Variants in KHDRBS2 observed in about 807,000 individuals in gnomAD.
KHDRBS2 encodes the protein KH domain-containing, RNA-binding, signal transduction-associated protein 2.
A neutral mutation model predicts 44.3 loss-of-function variants in KHDRBS2; 26 were observed. That is an observed-to-expected ratio of 0.59 (90% confidence interval 0.43 to 0.81). KHDRBS2 has a LOEUF of 0.81. KHDRBS2 is among the 40% of genes least tolerant of loss of function. KHDRBS2 has a pLI of 0.00. For synonymous variants in KHDRBS2, 194 were observed against 151.1 expected (o/e 1.28, Z -2.08); for missense variants, 476 against 433.1 (o/e 1.10, Z -0.88).
At chr6:61,639,052 T>C in the KHDRBS2 span, among the ~76,000 whole-genome samples, 3,724 of 152,252 alleles carry the variant, frequency 0.024, 70 homozygotes, top group Middle Eastern at 0.088. Flanking sequence ...AATTATCTTG[T>C]GAATTTGCTG....
chr6:61,717,238 AATACAATGTATAC>A (rs1438932102), intron 7 of KHDRBS2, among the ~76,000 whole-genome samples: 4 of 152,066 alleles, frequency 2.6e-5, no homozygotes, highest in Non-Finnish European at 5.9e-5. Context: ...AAAATCGACA[AATACAATGTATAC>A]ATACTGATAA....
intron 2 of KHDRBS2, among the ~76,000 whole-genome samples, chr6:62,139,278 C>A (rs1330830977): frequency 6.6e-6 from 1 of 151,982 alleles, no homozygotes; most frequent in East Asian, 1.9e-4. Flanking sequence ...ATGGGCCAGG[C>A]GCAGTGGCTC....
At chr6:62,008,734 C>T (rs1779738818) in intron 3 of KHDRBS2, among the ~76,000 whole-genome samples, 1 of 152,146 alleles carries the variant, frequency 6.6e-6, no homozygotes, top group Non-Finnish European at 1.5e-5. Flanking sequence ...GAATGGGCCT[C>T]ACAAGATCTG....
At chr6:61,805,016 T>A (rs1786914546) in intron 6 of KHDRBS2, among the ~76,000 whole-genome samples, 1 of 152,198 alleles carries the variant, frequency 6.6e-6, no homozygotes, top group Admixed American at 6.5e-5. Flanking sequence ...TTCTATTGCA[T>A]CATCAGGCTG....
intron 6 of KHDRBS2, among the ~76,000 whole-genome samples, chr6:61,799,630 C>T (rs895825976): frequency 6.6e-6 from 1 of 151,808 alleles, no homozygotes; most frequent in African/African-American, 2.4e-5. Flanking sequence ...CAAAACCTGC[C>T]ATCAAAACTA....
chr6:61,720,009 A>G (rs1772129154), intron 7 of KHDRBS2, among the ~76,000 whole-genome samples: 2 of 151,972 alleles, frequency 1.3e-5, no homozygotes, highest in South Asian at 4.2e-4. Context: ...ATTCCCACCT[A>G]TGAGTGAGAA....
At chr6:61,778,670 G>T (rs904488071) in intron 6 of KHDRBS2, among the ~76,000 whole-genome samples, 4 of 152,132 alleles carry the variant, frequency 2.6e-5, no homozygotes, top group African/African-American at 7.2e-5. Context: ...CCACCGTGCC[G>T]CAAGTTGCTT....
intron 2 of KHDRBS2, among the ~76,000 whole-genome samples, chr6:62,064,640 T>C (rs938788596): frequency 6.6e-6 from 1 of 151,484 alleles, no homozygotes; most frequent in Non-Finnish European, 1.5e-5. Context: ...TCAAGATGGA[T>C]TAAAGATTTG....
intron 2 of KHDRBS2, among the ~76,000 whole-genome samples, chr6:62,066,759 G>C (rs1384688215): frequency 6.6e-6 from 1 of 151,488 alleles, no homozygotes; most frequent in Non-Finnish European, 1.5e-5. Flanking sequence ...AATAATCTTT[G>C]GCTCTATGTA....
In KHDRBS2 at chr6:61,724,055, C is replaced by T. The variant is rs1437475127; in HGVS notation, c.893+8627G>A. Among the ~76,000 whole-genome samples, 5 of 152,038 alleles carry T rather than the reference C, an allele frequency of 3.3e-5. No homozygotes were observed. In the East Asian group the frequency reaches 9.7e-4, roughly 29 times the overall value. On this transcript the variant is annotated intron_variant, in intron 7 of 8. Transcript: ENST00000281156. The stretch of plus-strand genomic sequence containing the variant: ...AAGTGAAAGAAAAGTAATTTAAGGG[C>T]AAGCCAGAGAGAAAGACCAGGTCAC...
At chr6:61,834,507 G>T (rs12530066) in intron 6 of KHDRBS2, among the ~76,000 whole-genome samples, 49,885 of 151,696 alleles carry the variant, frequency 0.33, 8,543 homozygotes, top group African/African-American at 0.42. Context: ...TTGAAGAAAA[G>T]AATACTCTCA....
intron 2 of KHDRBS2, among the ~76,000 whole-genome samples, chr6:62,127,904 C>G (rs1224373388): frequency 3.9e-5 from 6 of 152,078 alleles, no homozygotes. Context: ...ATGCAATTAT[C>G]AATTAGTTAA....
At chr6:61,739,271 A>G (rs1775821298) in intron 6 of KHDRBS2, among the ~76,000 whole-genome samples, 1 of 151,896 alleles carries the variant, frequency 6.6e-6, no homozygotes, top group African/African-American at 2.4e-5. Context: ...TGTCAATGTT[A>G]TTGATAAACA....
chr6:61,836,923 A>G (rs1792784913), intron 6 of KHDRBS2, among the ~76,000 whole-genome samples: 1 of 152,038 alleles, frequency 6.6e-6, no homozygotes, highest in African/African-American at 2.4e-5. Context: ...CTATTTTTTA[A>G]AACAGTTAAA....
intron 6 of KHDRBS2, among the ~76,000 whole-genome samples, chr6:61,769,387 G>C: frequency 6.6e-6 from 1 of 152,180 alleles, no homozygotes; most frequent in East Asian, 1.9e-4. Context: ...GAAAGCACAA[G>C]GGGTCAGGGA....
chr6:62,113,645 G>C (rs1805543954), intron 2 of KHDRBS2, among the ~76,000 whole-genome samples: 1 of 152,040 alleles, frequency 6.6e-6, no homozygotes, highest in Non-Finnish European at 1.5e-5. Flanking sequence ...GTGAACATCT[G>C]TCTCTCTCTA....
intron 2 of KHDRBS2, among the ~76,000 whole-genome samples, chr6:62,118,442 T>C (rs1050307867): frequency 5.3e-5 from 8 of 152,174 alleles, no homozygotes; most frequent in East Asian, 1.9e-4. Context: ...GAGAATGTCA[T>C]TGATGTTTTG....
chr6:62,221,470 G>GA (rs956911677), intron 1 of KHDRBS2, among the ~76,000 whole-genome samples: 1 of 151,906 alleles, frequency 6.6e-6, no homozygotes, highest in African/African-American at 2.4e-5. Context: ...CCACGAAGGA[G>GA]AAAAAATGGT....
At chr6:61,964,981 C>G (rs1424560058) in intron 4 of KHDRBS2, among the ~76,000 whole-genome samples, 1 of 152,062 alleles carries the variant, frequency 6.6e-6, no homozygotes, top group Non-Finnish European at 1.5e-5. Context: ...TTTCAGTATA[C>G]TTGTATATTC....
Sources: allele counts gnomAD v4.1 joint callset (sites outside exome capture counted in the v4.1 genomes callset), GRCh38; gene constraint gnomAD v4.1.1; transcripts MANE v1.5; gene names NCBI Gene and HGNC (gene_info 2026-07-23, HGNC 2026-07-21).